NLGN4Y: variants seen among roughly 807,000 people sequenced by gnomAD.
NLGN4Y encodes the protein neuroligin-4, Y-linked.
In NLGN4Y, 4 loss-of-function variants were observed where a neutral mutation model predicts 8.4. The ratio of observed to expected loss-of-function variants is 0.48; its 90% CI spans 0.23 to 1.09. The LOEUF (loss-of-function observed/expected upper bound fraction) is 1.09. NLGN4Y is among the 50% of genes least tolerant of loss of function. NLGN4Y has a pLI of 0.19. For missense variants in NLGN4Y, 90 were observed against 192.3 expected (o/e 0.47, Z 3.15); for synonymous variants, 35 against 75.6 (o/e 0.46, Z 2.78).
chrY:14,721,035 T>C (rs2080932429), intron 3 of NLGN4Y, among the ~76,000 whole-genome samples: 1 of 34,056 alleles, frequency 2.9e-5, no homozygotes, highest in South Asian at 6.5e-4. Flanking sequence ...TTTCACATTA[T>C]TCCCAGTGAA....
chrY:14,540,888 C>G, intron 1 of NLGN4Y, among the ~76,000 whole-genome samples: 1 of 33,348 alleles, frequency 3.0e-5, no homozygotes, highest in Non-Finnish European at 7.4e-5. Context: ...AACCAGAATG[C>G]CTCTCCTCCT....
chrY:14,600,260 G>A (rs1006808730), intron 1 of NLGN4Y, among the ~76,000 whole-genome samples: 5 of 31,044 alleles, frequency 1.6e-4, no homozygotes, highest in African/African-American at 2.5e-4. Flanking sequence ...ATAGATATAT[G>A]TGTGTGTGTG....
At chrY:14,539,641 G>C in intron 1 of NLGN4Y, among the ~76,000 whole-genome samples, 3 of 29,245 alleles carry the variant, frequency 1.0e-4, no homozygotes, top group Non-Finnish European at 2.4e-4. Flanking sequence ...TCATTCTAGG[G>C]GCATTACTTA....
chrY:14,719,906 C>T (rs2080929074), intron 3 of NLGN4Y, among the ~76,000 whole-genome samples: 2 of 32,440 alleles, frequency 6.2e-5, no homozygotes, highest in South Asian at 6.9e-4. Context: ...TACTTTGCAG[C>T]TTCAGTCTTC....
At chrY:14,586,860 G>A (rs929162273) in intron 1 of NLGN4Y, among the ~76,000 whole-genome samples, 2 of 32,771 alleles carry the variant, frequency 6.1e-5, no homozygotes, top group Non-Finnish European at 7.5e-5. Flanking sequence ...AACAAAGAAA[G>A]AGACATAGAA....
chrY:14,676,023 T>C (rs948633728), intron 2 of NLGN4Y, among the ~76,000 whole-genome samples: 1 of 32,739 alleles, frequency 3.1e-5, no homozygotes, highest in African/African-American at 1.2e-4. Context: ...TTTTTGACCT[T>C]TCCTCTTTTG....
intron 4 of NLGN4Y, among the ~76,000 whole-genome samples, chrY:14,753,843 G>A (rs777489291): frequency 3.1e-5 from 1 of 32,516 alleles, no homozygotes; most frequent in African/African-American, 1.2e-4. Context: ...AATACTTGAA[G>A]AGATTAAGAT....
At chrY:14,702,490 A>C in intron 2 of NLGN4Y, among the ~76,000 whole-genome samples, 1 of 32,374 alleles carries the variant, frequency 3.1e-5, no homozygotes, top group Non-Finnish European at 7.6e-5. Context: ...AAGGACATGA[A>C]CTCATCATTT....
chrY:14,555,717 T>A (rs1219282671), intron 1 of NLGN4Y, among the ~76,000 whole-genome samples: 2 of 33,859 alleles, frequency 5.9e-5, no homozygotes. Flanking sequence ...ATATTAAACC[T>A]TTCCCATTCA....
At chrY:14,574,679 G>A in intron 1 of NLGN4Y, among the ~76,000 whole-genome samples, 1 of 33,238 alleles carries the variant, frequency 3.0e-5, no homozygotes, top group Admixed American at 2.8e-4. Context: ...CAGTTTCTTC[G>A]TATCCTTGAC....
intron 2 of NLGN4Y, among the ~76,000 whole-genome samples, chrY:14,695,330 T>A: frequency 3.0e-5 from 1 of 33,659 alleles, no homozygotes; most frequent in Non-Finnish European, 7.4e-5. Context: ...TTAATCCTAA[T>A]AGGGGCATCA....
At chrY:14,736,401 G>A (rs1052915352) in intron 4 of NLGN4Y, among the ~76,000 whole-genome samples, 2 of 33,250 alleles carry the variant, frequency 6.0e-5, no homozygotes, top group Non-Finnish European at 1.5e-4. Context: ...TAGGCAGAAA[G>A]CACTTGTCTT....
chrY:14,624,317 C>T, intron 2 of NLGN4Y, among the ~76,000 whole-genome samples: 1 of 32,706 alleles, frequency 3.1e-5, no homozygotes, highest in Non-Finnish European at 7.5e-5. Flanking sequence ...TGGAATGAGA[C>T]CACCCATGAA....
At chrY:14,652,783 G>A in intron 2 of NLGN4Y, among the ~76,000 whole-genome samples, 1 of 32,033 alleles carries the variant, frequency 3.1e-5, no homozygotes, top group Non-Finnish European at 7.6e-5. Context: ...TGTCTCCATG[G>A]CTTCTTTATT....
In NLGN4Y at chrY:14,843,038, C is replaced by T. The variant is rs779679955; in HGVS notation, c.*1776C>T. 1 of 121,520 alleles carries T rather than the reference C, an allele frequency of 8.2e-6. No homozygotes were observed. The highest frequency in any genetic ancestry group is 3.9e-5 in the South Asian group (1 of 25,680). The allele number at this position is 121,520 out of a possible 400,897, so 30.3% of individuals were successfully genotyped here. ...ATTCTAGAAATCCAATGTTAAATGC[C>T]TCTACTAAAGTGGGGATTCCCCATA... On this transcript the variant is annotated 3_prime_UTR_variant, in exon 7 of 7. Coordinates refer to ENST00000684976, the MANE Select transcript of NLGN4Y (RefSeq NM_001365588.1).
intron 2 of NLGN4Y, among the ~76,000 whole-genome samples, chrY:14,706,877 G>GTA (rs2080881109): frequency 9.6e-5 from 2 of 20,869 alleles, no homozygotes; most frequent in Admixed American, 9.8e-4. Flanking sequence ...CGTGTGATGT[G>GTA]TATATATATA....
At chrY:14,781,321 T>G (rs2042943431) in intron 4 of NLGN4Y, among the ~76,000 whole-genome samples, 1 of 33,754 alleles carries the variant, frequency 3.0e-5, no homozygotes, top group Non-Finnish European at 7.3e-5. Flanking sequence ...GAACACTAAT[T>G]ATTAAAGATG....
At chrY:14,547,230 G>A (rs776666704) in intron 1 of NLGN4Y, among the ~76,000 whole-genome samples, 16 of 33,554 alleles carry the variant, frequency 4.8e-4, no homozygotes, top group African/African-American at 1.9e-3. Flanking sequence ...CTGGGCAGGA[G>A]GCTTCAGTTC....
chrY:14,528,438 A>G, intron 1 of NLGN4Y, among the ~76,000 whole-genome samples: 1 of 32,563 alleles, frequency 3.1e-5, no homozygotes, highest in Non-Finnish European at 7.5e-5. Context: ...GAAACTTACA[A>G]TTATGGGAAA....
Sources: gnomAD v4.1 joint callset for allele counts (sites outside exome capture counted in the v4.1 genomes callset) on GRCh38, gnomAD v4.1.1 for gene constraint, MANE v1.5 for transcripts, NCBI Gene and HGNC (gene_info 2026-07-23, HGNC 2026-07-21) for gene names.